ABI3BP: variants seen among roughly 807,000 people sequenced by gnomAD.
The protein encoded by ABI3BP is target of Nesh-SH3.
A neutral mutation model predicts 268.6 loss-of-function variants in ABI3BP; 216 were observed. That is an observed-to-expected ratio of 0.80 (90% CI 0.72 to 0.90). ABI3BP has a LOEUF of 0.90. Among genes scored for constraint, ABI3BP ranks in the 40% least tolerant of loss-of-function variants. The pLI is 0.00. For synonymous variants in ABI3BP, 730 were observed against 730.0 expected, an observed-to-expected ratio of 1.00 and a Z score of 0.00; for missense variants, 2,090 against 2,182.4, an observed-to-expected ratio of 0.96 and a Z score of 0.84.
intron 1 of ABI3BP, among the ~76,000 whole-genome samples, chr3:100,980,324 C>T (rs957377088): frequency 4.6e-5 from 7 of 151,974 alleles, no homozygotes; most frequent in Non-Finnish European, 8.8e-5. Flanking sequence ...TCTGCCTCCC[C>T]GGTTCACGCC....
intron 57 of ABI3BP, among the ~76,000 whole-genome samples, chr3:100,780,867 G>A (rs2096845364): frequency 6.6e-6 from 1 of 152,118 alleles, no homozygotes; most frequent in African/African-American, 2.4e-5. Context: ...CTAGCCATTT[G>A]CCTAAATACT....
At chr3:100,896,228 G>A (rs1332660278) in intron 4 of ABI3BP, among the ~76,000 whole-genome samples, 2 of 152,158 alleles carry the variant, frequency 1.3e-5, no homozygotes, top group Admixed American at 6.5e-5. Flanking sequence ...GTGCAAGGGG[G>A]TGAGGGTGAG....
intron 2 of ABI3BP, among the ~76,000 whole-genome samples, chr3:100,914,114 T>G (rs549988269): frequency 2.1e-4 from 32 of 152,308 alleles, no homozygotes; most frequent in African/African-American, 7.5e-4. Flanking sequence ...AATTAGTCTT[T>G]AATAAGTCCT....
At chr3:100,788,532 C>T (rs1033621039) in intron 56 of ABI3BP, among the ~76,000 whole-genome samples, 9 of 152,072 alleles carry the variant, frequency 5.9e-5, no homozygotes, top group East Asian at 1.9e-4. Context: ...GGCCAGTGCT[C>T]GGTCATTATT....
chr3:100,956,700 G>A (rs1163807479), intron 1 of ABI3BP, among the ~76,000 whole-genome samples: 1 of 152,210 alleles, frequency 6.6e-6, no homozygotes, highest in Non-Finnish European at 1.5e-5. Context: ...GAAACAGGAA[G>A]AGTCAAGGTG....
rs1206410929 is a variant in ABI3BP, at chr3:100,848,682, C to T, written c.1576+119G>A. On this transcript the variant is annotated intron_variant, in intron 18 of 67. Transcript: ENST00000471714. Reference sequence around the variant, plus strand: ...CCTCAAGTGATCCTCCTGCCTTGGCCTCCCAAAGTGCTGGAGTTGCAGGTG... The same window carrying T: ...CCTCAAGTGATCCTCCTGCCTTGGCTTCCCAAAGTGCTGGAGTTGCAGGTG... 5 of 946,060 alleles carry T rather than the reference C, an allele frequency of 5.3e-6. No homozygotes were observed. In the African/African-American group the frequency reaches 8.2e-5, roughly 15 times the overall value. 58.6% of individuals were successfully genotyped at this position (946,060 alleles called of 1,614,324 possible). A position where few individuals can be genotyped will look rare whatever the true frequency, so the allele number is the denominator to read the frequency against.
intron 21 of ABI3BP, 77 bp from the exon 22 acceptor site, chr3:100,840,935 T>C: frequency 8.3e-7 from 1 of 1,206,458 alleles, no homozygotes. Context: ...ACATGGAATA[T>C]GCTTAATTTT....
At chr3:100,944,519 G>A (rs1024127162) in intron 1 of ABI3BP, among the ~76,000 whole-genome samples, 1 of 152,062 alleles carries the variant, frequency 6.6e-6, no homozygotes, top group African/African-American at 2.4e-5. Context: ...CACTGTTCCA[G>A]GGAGCAAATT....
chr3:100,956,214 A>AAC (rs58723365), intron 1 of ABI3BP, among the ~76,000 whole-genome samples: 5,501 of 133,658 alleles, frequency 0.041, 125 homozygotes, highest in Middle Eastern at 0.072. Flanking sequence ...AAAGAAAAAC[A>AAC]ACACACACAC....
intron 63 of ABI3BP, among the ~76,000 whole-genome samples, chr3:100,758,530 C>T (rs2095760095): frequency 6.6e-6 from 1 of 151,974 alleles, no homozygotes; most frequent in South Asian, 2.1e-4. Flanking sequence ...TTGCTTTTTG[C>T]TTGTGAAGTT....
intron 55 of ABI3BP, among the ~76,000 whole-genome samples, chr3:100,790,049 T>A (rs1458473632): frequency 6.6e-6 from 1 of 152,050 alleles, no homozygotes; most frequent in Non-Finnish European, 1.5e-5. Context: ...ATTCACTCAG[T>A]GTCATCCATA....
At chr3:100,986,633 A>T (rs2091840770) in intron 1 of ABI3BP, among the ~76,000 whole-genome samples, 1 of 152,014 alleles carries the variant, frequency 6.6e-6, no homozygotes, top group African/African-American at 2.4e-5. Flanking sequence ...CACCTGGCTA[A>T]TTTTTGTATT....
chr3:100,828,281 T>C, intron 34 of ABI3BP, 112 bp downstream of exon 34: 2 of 917,064 alleles, frequency 2.2e-6, no homozygotes, highest in Non-Finnish European at 1.7e-6. Flanking sequence ...ACTTGTTTTA[T>C]GCATGTTCAA....
Position 100,942,796 on chromosome 3 carries a change from C to G in ABI3BP, c.80-16315G>C, listed in dbSNP as rs567242099. 4.6e-5 allele frequency among the ~76,000 whole-genome samples: 7 copies of G among 152,138 alleles called. No homozygotes were observed. The East Asian group carries it at 1.4e-3, about 29-fold the overall frequency. On this transcript the variant is annotated intron_variant, in intron 1 of 67. Transcript: ENST00000471714. ...GGGCAGCAATCTGTATTTCGACAAG[C>G]TGTATGGATATTCTGGTGAATACTC...
At position 100,818,548 on chromosome 3, in the gene ABI3BP, C is replaced by T; in HGVS notation, c.3065G>A (p.Arg1022Lys). ...ACCCATGGTTTTTGGAGCTTCAGTT[C>T]TGAGAGTACCAGGTTCAAGATCTGT... ...PSTDLEPGTLRTEAPKTMVVT... is the reference protein window; with the variant it reads ...PSTDLEPGTLKTEAPKTMVVT... Residue 1022 changes from arginine to lysine, a missense_variant, in exon 41 of 68, where the codon AGA becomes AAA. Arg to Lys is a conservative substitution (Grantham distance 26). Transcript: ENST00000471714. The T allele has an allele frequency of 6.5e-7, 1 of 1,535,590 alleles. No individual in the cohort carries two copies. The highest frequency in any genetic ancestry group is 8.7e-7 in the Non-Finnish European group (1 of 1,146,540).
At chr3:100,820,366 C>A in intron 39 of ABI3BP, 63 bp from the exon 40 acceptor site, 9 of 1,302,990 alleles carry the variant, frequency 6.9e-6, no homozygotes, top group Middle Eastern at 1.8e-4. Context: ...AGTAGCATGA[C>A]ATACGGTTTG....
intron 1 of ABI3BP, among the ~76,000 whole-genome samples, chr3:100,961,114 TAGTA>T (rs1485003012): frequency 2.0e-5 from 3 of 152,206 alleles, no homozygotes; most frequent in Non-Finnish European, 4.4e-5. Context: ...ACTTTATAAA[TAGTA>T]AGGCACAACA....
At chr3:100,855,316 T>C (rs2098927908) in intron 14 of ABI3BP, among the ~76,000 whole-genome samples, 1 of 152,210 alleles carries the variant, frequency 6.6e-6, no homozygotes, top group Non-Finnish European at 1.5e-5. Flanking sequence ...CTGATACTGC[T>C]GTGGAAACAT....
At chr3:100,955,563 T>C (rs1254782543) in intron 1 of ABI3BP, among the ~76,000 whole-genome samples, 1 of 152,250 alleles carries the variant, frequency 6.6e-6, no homozygotes, top group Non-Finnish European at 1.5e-5. Context: ...GTTTGGATAA[T>C]ATTTTTATAT....
Sources: gnomAD v4.1 joint callset for allele counts (sites outside exome capture counted in the v4.1 genomes callset) on GRCh38, gnomAD v4.1.1 for gene constraint, MANE v1.5 for transcripts, NCBI Gene and HGNC (gene_info 2026-07-23, HGNC 2026-07-21) for gene names.